Variants in DGCR2 observed in about 807,000 individuals in gnomAD.
DGCR2 encodes the protein integral membrane protein DGCR2/IDD.
Under a neutral mutation model 51.6 loss-of-function variants are expected in DGCR2, and 24 were observed. The ratio of observed to expected loss-of-function variants is 0.47; its 90% confidence interval spans 0.34 to 0.65. DGCR2 has a LOEUF of 0.65. Among genes scored for constraint, DGCR2 ranks in the 30% least tolerant of loss-of-function variants. The pLI is 0.01. For missense variants in DGCR2, 765 were observed against 772.1 expected, an observed-to-expected ratio of 0.99 and a Z score of 0.11; for synonymous variants, 340 against 315.4, an observed-to-expected ratio of 1.08 and a Z score of -0.82.
intron 2 of DGCR2, among the ~76,000 whole-genome samples, chr22:19,087,863 T>G (rs2083035153): frequency 1.3e-5 from 2 of 152,108 alleles, no homozygotes; most frequent in Non-Finnish European, 2.9e-5. Flanking sequence ...TTTTGTATTT[T>G]TATTAGAAAC....
chr22:19,062,775 G>GCTCTCTCTCTCTCTCTCTCTCTCTC, intron 5 of DGCR2, among the ~76,000 whole-genome samples: 1 of 108,860 alleles, frequency 9.2e-6, no homozygotes, highest in Non-Finnish European at 1.9e-5. Flanking sequence ...ACACATGCAT[G>GCTCTCTCTCTCTCTCTCTCTCTCTC]CTCACTCTCT....
intron 2 of DGCR2, among the ~76,000 whole-genome samples, chr22:19,073,094 GAAAAAT>G (rs1343356135): frequency 6.6e-6 from 1 of 151,718 alleles, no homozygotes; most frequent in Non-Finnish European, 1.5e-5. Context: ...CTGTCTCTAT[GAAAAAT>G]AAAAATAAAA....
rs1449288417 is a variant in DGCR2, at chr22:19,039,058, C to T, written c.1460G>A (p.Gly487Asp). The T allele has an allele frequency of 3.7e-6, 6 of 1,613,134 alleles. No homozygotes were observed. Among genetic ancestry groups the T allele is most frequent in the South Asian group, 3.3e-5 (3 of 91,078 alleles). The change falls in exon 10 of 10, where the codon GGT becomes GAT. Residue 487 changes from glycine (G) to aspartate (D), a missense_variant. Gly to Asp is a moderately conservative substitution (Grantham distance 94). Coordinates refer to ENST00000263196, the MANE Select transcript of DGCR2 (RefSeq NM_005137.3). The part of the protein sequence containing the change: ...LPAPGDGGSE[G>D]ALLRRLEQPL... ...CTGCTCCAGGCGCCGGAGTAATGCA[C>T]CTTCACTCCCACCATCCCCAGGGGC...
chr22:19,064,068 GGCTGACCGCCATAA>G (rs746378507), intron 4 of DGCR2, among the ~76,000 whole-genome samples: 12 of 152,262 alleles, frequency 7.9e-5, no homozygotes, highest in Non-Finnish European at 1.3e-4. Context: ...ACTGGCATCT[GGCTGACCGCCATAA>G]GCTCCTGCCT....
intron 2 of DGCR2, among the ~76,000 whole-genome samples, chr22:19,076,070 T>C (rs936935854): frequency 3.3e-5 from 5 of 151,846 alleles, no homozygotes; most frequent in Non-Finnish European, 7.3e-5. Context: ...GCAACTCTCC[T>C]GCCTCAGTCT....
chr22:19,054,026 G>C (rs545096519), intron 6 of DGCR2, among the ~76,000 whole-genome samples: 11 of 152,174 alleles, frequency 7.2e-5, no homozygotes, highest in Non-Finnish European at 1.6e-4. Flanking sequence ...AAGAATCCAA[G>C]AGACATGATG....
intron 2 of DGCR2, among the ~76,000 whole-genome samples, chr22:19,083,679 T>C (rs74708902): frequency 8.0e-5 from 9 of 112,656 alleles, no homozygotes; most frequent in Non-Finnish European, 1.6e-4. Flanking sequence ...GGTTCCCCTC[T>C]CCCTCTCCCT....
chr22:19,111,849 TTTATTTATTTA>T (rs761106949), intron 1 of DGCR2, among the ~76,000 whole-genome samples: 2,060 of 81,224 alleles, frequency 0.025, 19 homozygotes, highest in South Asian at 0.062. Flanking sequence ...GTTTTTATTT[TTTATTTATTTA>T]TTTTTTTTTG....
chr22:19,048,267 C>T, intron 7 of DGCR2, 173 bp downstream of exon 7: 1 of 684,108 alleles, frequency 1.5e-6, no homozygotes, highest in Non-Finnish European at 2.5e-6. Flanking sequence ...GACACGCCCA[C>T]TAGAGTAGTG....
intron 6 of DGCR2, chr22:19,056,564 A>ACACAC: frequency 3.0e-6 from 1 of 338,232 alleles, no homozygotes; most frequent in Non-Finnish European, 5.4e-6. Flanking sequence ...TAAAAAAAAA[A>ACACAC]AAACACACAC....
chr22:19,074,341 G>T (rs953851834), intron 2 of DGCR2, among the ~76,000 whole-genome samples: 1 of 150,414 alleles, frequency 6.6e-6, no homozygotes, highest in Non-Finnish European at 1.5e-5. Flanking sequence ...CAGAAGAATC[G>T]ATTGAGCCTA....
intron 1 of DGCR2, among the ~76,000 whole-genome samples, chr22:19,105,852 C>G (rs1010830102): frequency 1.3e-5 from 2 of 152,134 alleles, no homozygotes; most frequent in African/African-American, 2.4e-5. Flanking sequence ...CAAATGCCAT[C>G]TGCCCTTTTA....
intron 2 of DGCR2, among the ~76,000 whole-genome samples, chr22:19,087,265 G>A (rs1305582978): frequency 1.3e-5 from 2 of 152,158 alleles, no homozygotes; most frequent in Admixed American, 1.3e-4. Context: ...TGTCCCAGAG[G>A]CTCCTGACCG....
At chr22:19,077,941 GC>G (rs1434379257) in intron 2 of DGCR2, among the ~76,000 whole-genome samples, 5 of 151,528 alleles carry the variant, frequency 3.3e-5, no homozygotes, top group Non-Finnish European at 7.4e-5. Context: ...CAATTCTCCT[GC>G]CTCAGCCTCC....
intron 6 of DGCR2, among the ~76,000 whole-genome samples, chr22:19,052,439 C>CACA (rs1555901811): frequency 6.9e-6 from 1 of 145,938 alleles, no homozygotes; most frequent in African/African-American, 2.7e-5. Context: ...CACACACACA[C>CACA]AAAAGAAAAA....
At chr22:19,121,538 A>T (rs781223330) in intron 1 of DGCR2, 1 of 152,264 alleles carries the variant, frequency 6.6e-6, no homozygotes, top group Non-Finnish European at 1.5e-5. Flanking sequence ...CAAAGCACGG[A>T]CTCATTCATC....
chr22:19,117,969 C>T (rs1035562156), intron 1 of DGCR2, among the ~76,000 whole-genome samples: 1 of 152,320 alleles, frequency 6.6e-6, no homozygotes, highest in African/African-American at 2.4e-5. Context: ...TAGGTGCAAG[C>T]TCACCTCTCC....
chr22:19,117,939 T>A (rs1451431683), intron 1 of DGCR2, among the ~76,000 whole-genome samples: 1 of 152,094 alleles, frequency 6.6e-6, no homozygotes, highest in African/African-American at 2.4e-5. Flanking sequence ...CACTCCAAAC[T>A]CAGGAGGATT....
chr22:19,113,731 T>C (rs2083342601), intron 1 of DGCR2, among the ~76,000 whole-genome samples: 1 of 152,124 alleles, frequency 6.6e-6, no homozygotes, highest in African/African-American at 2.4e-5. Context: ...TTATGTAGGT[T>C]TGAAATATTT....
Sources: gnomAD v4.1 joint callset for allele counts (sites outside exome capture counted in the v4.1 genomes callset) on GRCh38, gnomAD v4.1.1 for gene constraint, MANE v1.5 for transcripts, NCBI Gene and HGNC (gene_info 2026-07-23, HGNC 2026-07-21) for gene names.